PRELID2: variants seen among roughly 807,000 people sequenced by gnomAD.
The protein encoded by PRELID2 is PRELI domain-containing protein 2.
A neutral mutation model predicts 28.4 loss-of-function variants in PRELID2; 25 were observed. That is an observed-to-expected ratio of 0.88 (90% CI 0.64 to 1.23). The LOEUF (loss-of-function observed/expected upper bound fraction) is 1.23, where lower values mean the gene tolerates loss of function less well. PRELID2 is among the 50% of genes most tolerant of loss of function. PRELID2 has a pLI of 0.00. For synonymous variants in PRELID2, 76 were observed against 71.6 expected, an observed-to-expected ratio of 1.06 and a Z score of -0.31; for missense variants, 201 against 214.4, an observed-to-expected ratio of 0.94 and a Z score of 0.39.
intron 1 of PRELID2, among the ~76,000 whole-genome samples, chr5:145,633,929 G>A (rs1581015828): frequency 6.6e-6 from 1 of 152,140 alleles, no homozygotes. Flanking sequence ...CCCATAGCAG[G>A]AGACAGGATC....
At chr5:145,416,372 C>T in the PRELID2 span, among the ~76,000 whole-genome samples, 1 of 152,052 alleles carries the variant, frequency 6.6e-6, no homozygotes, top group African/African-American at 2.4e-5. Flanking sequence ...GACTTCATGT[C>T]TAAAACACCA....
At chr5:145,414,419 A>T in the PRELID2 span, among the ~76,000 whole-genome samples, 2 of 152,200 alleles carry the variant, frequency 1.3e-5, no homozygotes, top group Admixed American at 1.3e-4. Flanking sequence ...ATTGTCCAGC[A>T]TATCTCTGTA....
At chr5:145,753,309 C>T (rs1235545236), downstream of PRELID2, among the ~76,000 whole-genome samples, 1 of 152,156 alleles carries the variant, frequency 6.6e-6, no homozygotes, top group Non-Finnish European at 1.5e-5. Flanking sequence ...TCAGGTTAAC[C>T]CTTCAAGACA....
the PRELID2 span, among the ~76,000 whole-genome samples, chr5:145,297,523 C>A: frequency 6.6e-6 from 1 of 152,004 alleles, no homozygotes; most frequent in Non-Finnish European, 1.5e-5. Flanking sequence ...ACTGAATGGG[C>A]AAAAAACTGG....
intron 1 of PRELID2, among the ~76,000 whole-genome samples, chr5:145,595,032 G>A (rs780939924): frequency 6.6e-6 from 1 of 151,974 alleles, no homozygotes; most frequent in Non-Finnish European, 1.5e-5. Context: ...GGTGGCTGAG[G>A]CAGGAGAATT....
chr5:145,385,634 T>C, the PRELID2 span, among the ~76,000 whole-genome samples: 2 of 152,206 alleles, frequency 1.3e-5, no homozygotes, highest in South Asian at 4.1e-4. Flanking sequence ...TGTAGGACTG[T>C]TTCCTCTTTT....
intron 1 of PRELID2, among the ~76,000 whole-genome samples, chr5:145,538,850 AG>A (rs1353818214): frequency 5.3e-5 from 8 of 151,892 alleles, no homozygotes; most frequent in Non-Finnish European, 1.2e-4. Context: ...CAGTGAATGA[AG>A]CAAATTTTTG....
chr5:145,469,204 C>T (rs1420489541), downstream of PRELID2, among the ~76,000 whole-genome samples: 1 of 151,960 alleles, frequency 6.6e-6, no homozygotes, highest in Admixed American at 6.6e-5. Context: ...ATTTTAGGTG[C>T]CCTGATTCAA....
At chr5:145,598,341 G>A (rs987692051) in intron 1 of PRELID2, among the ~76,000 whole-genome samples, 4 of 152,102 alleles carry the variant, frequency 2.6e-5, no homozygotes, top group African/African-American at 7.2e-5. Context: ...CTAAGTAATA[G>A]GGTGCTGCTG....
the PRELID2 span, among the ~76,000 whole-genome samples, chr5:145,293,848 T>C: frequency 1.3e-5 from 2 of 152,122 alleles, no homozygotes; most frequent in African/African-American, 4.8e-5. Flanking sequence ...ACATCAGACA[T>C]AGCCATATCA....
At chr5:145,590,444 A>G (rs1269485967) in intron 1 of PRELID2, among the ~76,000 whole-genome samples, 1 of 151,996 alleles carries the variant, frequency 6.6e-6, no homozygotes, top group East Asian at 1.9e-4. Flanking sequence ...TATCTCTCCC[A>G]CTAATATGTA....
At chr5:145,642,183 C>T (rs571535587) in intron 1 of PRELID2, among the ~76,000 whole-genome samples, 1 of 151,930 alleles carries the variant, frequency 6.6e-6, no homozygotes, top group African/African-American at 2.4e-5. Context: ...CCTGTTGTTT[C>T]CTGATTTTTT....
chr5:145,374,035 C>A, the PRELID2 span, among the ~76,000 whole-genome samples: 1 of 149,746 alleles, frequency 6.7e-6, no homozygotes, highest in Admixed American at 6.7e-5. Flanking sequence ...ATGATACCAT[C>A]TGGTTATTTT....
intron 4 of PRELID2, among the ~76,000 whole-genome samples, chr5:145,810,933 T>C (rs1753883502): frequency 6.6e-6 from 1 of 151,916 alleles, no homozygotes; most frequent in Non-Finnish European, 1.5e-5. Flanking sequence ...AGAGGTTGTA[T>C]TAGTCCATTT....
At chr5:145,408,466 T>TATATATGTATAATATATATGTATAAC in the PRELID2 span, among the ~76,000 whole-genome samples, 1 of 116,186 alleles carries the variant, frequency 8.6e-6, no homozygotes, top group Non-Finnish European at 2.0e-5. Context: ...ATATGTATAA[T>TATATATGTATAATATATATGTATAAC]ATATATATGT....
chr5:145,745,264 T>C (rs978893061), intron 1 of PRELID2, among the ~76,000 whole-genome samples: 1 of 152,062 alleles, frequency 6.6e-6, no homozygotes, highest in African/African-American at 2.4e-5. Flanking sequence ...ATGCGGAGCA[T>C]GGAAACAAGC....
intron 1 of PRELID2, among the ~76,000 whole-genome samples, chr5:145,571,564 A>C (rs570289816): frequency 6.6e-6 from 1 of 152,340 alleles, no homozygotes; most frequent in African/African-American, 2.4e-5. Flanking sequence ...CTGAAAAGCT[A>C]TCTCTTCCTG....
At chr5:145,457,278 A>G in the PRELID2 span, among the ~76,000 whole-genome samples, 1 of 152,210 alleles carries the variant, frequency 6.6e-6, no homozygotes, top group Non-Finnish European at 1.5e-5. Context: ...CATATCAATC[A>G]TCTCACAGAG....
At chr5:145,229,459 CA>C in the PRELID2 span, 1 of 892,416 alleles carries the variant, frequency 1.1e-6, no homozygotes, top group Non-Finnish European at 1.8e-6. Context: ...AGGACCCAGC[CA>C]AAGCCCCCAA....
Sources: allele counts gnomAD v4.1 joint callset (sites outside exome capture counted in the v4.1 genomes callset), GRCh38; gene constraint gnomAD v4.1.1; transcripts MANE v1.5; gene names NCBI Gene and HGNC (gene_info 2026-07-23, HGNC 2026-07-21).